Variants in ZNG1A observed in about 807,000 individuals in gnomAD.
ZNG1A encodes the protein zinc-regulated GTPase metalloprotein activator 1A.
At chr9:171,449 T>A in the ZNG1A span, 2 of 152,114 alleles carry the variant, frequency 1.3e-5, no homozygotes, top group Admixed American at 6.5e-5. Context: ...GCAGACTTTA[T>A]CAAGAATTAG....
At chr9:154,671 T>C in the ZNG1A span, 3 of 1,451,910 alleles carry the variant, frequency 2.1e-6, no homozygotes, top group Admixed American at 1.7e-5. Flanking sequence ...GTATACAACA[T>C]GGATCTGTAG....
At chr9:178,611 G>C in the ZNG1A span, among the ~76,000 whole-genome samples, 2 of 109,494 alleles carry the variant, frequency 1.8e-5, no homozygotes, top group African/African-American at 5.5e-5. Flanking sequence ...TTGAGAAATG[G>C]GAATCTAACG....
At chr9:161,807 A>T in the ZNG1A span, among the ~76,000 whole-genome samples, 6 of 151,804 alleles carry the variant, frequency 4.0e-5, no homozygotes, top group Non-Finnish European at 8.8e-5. Flanking sequence ...TTTACACTTC[A>T]TCTTAGCCAA....
At chr9:140,019 C>T in the ZNG1A span, among the ~76,000 whole-genome samples, 3 of 150,552 alleles carry the variant, frequency 2.0e-5, no homozygotes, top group Middle Eastern at 3.4e-3. Flanking sequence ...CCCACGCCCA[C>T]AGAGTCTCGC....
chr9:142,812 A>G, the ZNG1A span, among the ~76,000 whole-genome samples: 109 of 133,938 alleles, frequency 8.1e-4, no homozygotes, highest in Middle Eastern at 0.021. Context: ...CTAATAAAGA[A>G]AAAAAGAGAG....
chr9:178,140 G>C, the ZNG1A span, among the ~76,000 whole-genome samples: 1 of 150,818 alleles, frequency 6.6e-6, no homozygotes, highest in East Asian at 2.0e-4. Context: ...GAAACTTCTA[G>C]TGTAAGTGCA....
the ZNG1A span, chr9:154,688 A>C: frequency 6.4e-7 from 1 of 1,568,154 alleles, no homozygotes; most frequent in South Asian, 1.1e-5. Context: ...GTAGGCACTT[A>C]ACACACTTAT....
At chr9:133,410 C>T in the ZNG1A span, among the ~76,000 whole-genome samples, 5 of 149,408 alleles carry the variant, frequency 3.3e-5, no homozygotes, top group African/African-American at 1.0e-4. Context: ...CATACAGGCT[C>T]ATTATACCAT....
the ZNG1A span, among the ~76,000 whole-genome samples, chr9:170,407 G>GTGTGTA: frequency 4.8e-5 from 7 of 145,922 alleles, no homozygotes; most frequent in African/African-American, 1.6e-4. Flanking sequence ...GTGTGTGTGT[G>GTGTGTA]TACAGTCTTG....
chr9:133,887 G>A, the ZNG1A span, among the ~76,000 whole-genome samples: 56 of 150,682 alleles, frequency 3.7e-4, no homozygotes, highest in African/African-American at 1.3e-3. Context: ...GCAAGGCATC[G>A]TAACCGCCAC....
the ZNG1A span, among the ~76,000 whole-genome samples, chr9:142,697 C>T: frequency 1.5e-5 from 2 of 136,968 alleles, no homozygotes; most frequent in Admixed American, 7.6e-5. Context: ...AAAATCAGAG[C>T]AGAACTGAAG....
At chr9:147,531 T>C in the ZNG1A span, 1 of 132,172 alleles carries the variant, frequency 7.6e-6, no homozygotes, top group African/African-American at 3.5e-5. Context: ...CAAATTCCCA[T>C]CTTATTACTC....
the ZNG1A span, chr9:150,376 T>C: frequency 5.2e-6 from 5 of 962,028 alleles, no homozygotes; most frequent in Middle Eastern, 1.6e-3. Context: ...TCCACCCACC[T>C]TGGCCTCCCA....
At chr9:140,170 G>A in the ZNG1A span, among the ~76,000 whole-genome samples, 1 of 151,434 alleles carries the variant, frequency 6.6e-6, no homozygotes, top group African/African-American at 2.4e-5. Context: ...CACAGCTCAA[G>A]GAAGCCTGCC....
the ZNG1A span, among the ~76,000 whole-genome samples, chr9:165,495 G>C: frequency 5.3e-5 from 7 of 131,472 alleles, no homozygotes; most frequent in Non-Finnish European, 9.4e-5. Context: ...AGGTATTTAG[G>C]GGGAGTAAAG....
the ZNG1A span, among the ~76,000 whole-genome samples, chr9:160,603 T>C: frequency 6.6e-6 from 1 of 151,758 alleles, no homozygotes; most frequent in East Asian, 1.9e-4. Context: ...TGCTTTGTTT[T>C]TTTGGCCTCC....
the ZNG1A span, among the ~76,000 whole-genome samples, chr9:162,695 A>C: frequency 6.8e-6 from 1 of 146,788 alleles, no homozygotes; most frequent in Non-Finnish European, 1.5e-5. Flanking sequence ...AGGCACTAGA[A>C]ACGATATAAA....
chr9:160,233 G>A, the ZNG1A span: 1 of 453,754 alleles, frequency 2.2e-6, no homozygotes. Flanking sequence ...GTTTCAGTTT[G>A]GCTGGCTGGC....
chr9:140,299 C>T, the ZNG1A span, among the ~76,000 whole-genome samples: 6 of 151,972 alleles, frequency 3.9e-5, no homozygotes, highest in Admixed American at 3.3e-4. Context: ...GTTCTCCCAG[C>T]ACGCAGCTGG....
Sources: gnomAD v4.1 joint callset for allele counts (sites outside exome capture counted in the v4.1 genomes callset) on GRCh38, gnomAD v4.1.1 for gene constraint, MANE v1.5 for transcripts, NCBI Gene and HGNC (gene_info 2026-07-23, HGNC 2026-07-21) for gene names.